Variants in MAGI2 observed in about 807,000 individuals in gnomAD.
MAGI2 encodes membrane-associated guanylate kinase, WW and PDZ domain-containing protein 2.
MAGI2 carries 35 observed loss-of-function variants against 133.3 expected under a neutral mutation model. The observed-to-expected ratio is 0.26, with a 90% CI of 0.20 to 0.35. MAGI2 has a LOEUF of 0.35. Among genes scored for constraint, MAGI2 ranks in the 10% least tolerant of loss-of-function variants. The pLI is 1.00. For missense variants in MAGI2, 1,636 were observed against 1,863.4 expected (o/e 0.88, Z 2.25); for synonymous variants, 729 against 710.6 (o/e 1.03, Z -0.41).
chr7:79,254,832 A>C (rs920151039), intron 1 of MAGI2, among the ~76,000 whole-genome samples: 1 of 152,192 alleles, frequency 6.6e-6, no homozygotes, highest in Non-Finnish European at 1.5e-5. Flanking sequence ...TTGAAGAGAC[A>C]ATTAAGGGCA....
intron 2 of MAGI2, among the ~76,000 whole-genome samples, chr7:78,809,786 T>G (rs540846927): frequency 6.6e-6 from 1 of 152,152 alleles, no homozygotes; most frequent in Non-Finnish European, 1.5e-5. Context: ...ATTTCCAGAA[T>G]AATCATGTAC....
chr7:78,665,526 G>A (rs920392182), intron 2 of MAGI2, among the ~76,000 whole-genome samples: 1 of 151,858 alleles, frequency 6.6e-6, no homozygotes, highest in Non-Finnish European at 1.5e-5. Context: ...AGTGGTCCAA[G>A]GCTTTAATTT....
At chr7:78,721,334 T>C (rs765908292) in intron 2 of MAGI2, among the ~76,000 whole-genome samples, 1 of 151,994 alleles carries the variant, frequency 6.6e-6, no homozygotes, top group Non-Finnish European at 1.5e-5. Context: ...CAGCATATAG[T>C]TAGCTATCAC....
At chr7:78,804,922 G>C (rs1011869008) in intron 2 of MAGI2, among the ~76,000 whole-genome samples, 10 of 151,282 alleles carry the variant, frequency 6.6e-5, no homozygotes, top group African/African-American at 2.4e-4. Context: ...ACAAAAATTA[G>C]CTGGGTGCGG....
intron 1 of MAGI2, among the ~76,000 whole-genome samples, chr7:79,120,620 A>G (rs138210593): frequency 6.6e-6 from 1 of 152,110 alleles, no homozygotes; most frequent in South Asian, 2.1e-4. Flanking sequence ...TTACAGAAGC[A>G]TGGTGAGTTT....
At chr7:78,724,593 T>A (rs1820583809) in intron 2 of MAGI2, among the ~76,000 whole-genome samples, 1 of 152,176 alleles carries the variant, frequency 6.6e-6, no homozygotes. Flanking sequence ...TGGCCCTTAG[T>A]TCTATTGCTC....
At position 78,074,197 on chromosome 7, in the gene MAGI2, A is replaced by C. The variant is rs1815030433; in HGVS notation, c.3706+4750T>G. Among the ~76,000 whole-genome samples, 3 of 152,066 alleles carry C rather than the reference A, an allele frequency of 2.0e-5. No individual in the cohort carries two copies. In the South Asian group the frequency reaches 6.2e-4, roughly 32 times the overall value. ...ACGTTTAGTCTTTGGGTAATTAGAG[A>C]TGACATATTTGCGGCATGTTTACTC... On this transcript the variant is annotated intron_variant, in intron 21 of 21. Coordinates refer to ENST00000354212, the MANE Select transcript of MAGI2 (RefSeq NM_012301.4).
chr7:78,529,667 GGTTTTTTTT>G (rs1797277407), intron 3 of MAGI2, among the ~76,000 whole-genome samples: 2 of 56,332 alleles, frequency 3.6e-5, no homozygotes, highest in African/African-American at 6.5e-5. Context: ...TAAAGGAGAT[GGTTTTTTTT>G]TTTTTTTTTT....
At chr7:78,853,928 G>T (rs1267497955) in intron 2 of MAGI2, among the ~76,000 whole-genome samples, 1 of 150,376 alleles carries the variant, frequency 6.6e-6, no homozygotes. Flanking sequence ...TAAGGGGACA[G>T]AAAATCTACT....
chr7:78,073,088 A>T (rs1814885420), intron 21 of MAGI2: 6 of 396,666 alleles, frequency 1.5e-5, no homozygotes, highest in Non-Finnish European at 1.8e-5. Context: ...TGATTAAAGG[A>T]AGACTTTTAA....
intron 1 of MAGI2, among the ~76,000 whole-genome samples, chr7:79,317,920 C>T (rs963677751): frequency 6.6e-6 from 1 of 152,150 alleles, no homozygotes; most frequent in African/African-American, 2.4e-5. Context: ...TCCTGGCTTC[C>T]TAATTCTCCA....
chr7:79,022,212 T>A (rs1235268769), intron 1 of MAGI2, among the ~76,000 whole-genome samples: 2 of 152,128 alleles, frequency 1.3e-5, no homozygotes, highest in Admixed American at 6.6e-5. Context: ...TAGAAATTAA[T>A]GCTAAGAAAA....
chr7:78,340,158 A>T (rs1447558022), intron 9 of MAGI2, among the ~76,000 whole-genome samples: 6 of 152,242 alleles, frequency 3.9e-5, no homozygotes, highest in African/African-American at 1.4e-4. Context: ...GATTGAGTTT[A>T]TAAAGTTGAT....
chr7:79,327,588 C>T (rs1188027918), intron 1 of MAGI2, among the ~76,000 whole-genome samples: 1 of 152,182 alleles, frequency 6.6e-6, no homozygotes, highest in African/African-American at 2.4e-5. Context: ...AGGCAAACCA[C>T]AACTGTCAGT....
intron 2 of MAGI2, among the ~76,000 whole-genome samples, chr7:78,681,195 G>A (rs1815614438): frequency 2.0e-5 from 3 of 152,052 alleles, no homozygotes; most frequent in African/African-American, 7.2e-5. Context: ...TCATGAGGGG[G>A]TGAAACTGCC....
At chr7:78,841,278 C>T (rs763428086) in intron 2 of MAGI2, among the ~76,000 whole-genome samples, 1 of 152,050 alleles carries the variant, frequency 6.6e-6, no homozygotes, top group African/African-American at 2.4e-5. Context: ...TAAATTAATC[C>T]TTATCACATG....
intron 1 of MAGI2, among the ~76,000 whole-genome samples, chr7:79,404,239 T>C (rs1217425246): frequency 7.9e-5 from 12 of 152,136 alleles, no homozygotes; most frequent in African/African-American, 1.7e-4. Context: ...AAACAGAACT[T>C]TGATCAAGGC....
intron 9 of MAGI2, among the ~76,000 whole-genome samples, chr7:78,306,939 G>A (rs893909327): frequency 1.3e-5 from 2 of 152,034 alleles, no homozygotes; most frequent in South Asian, 2.1e-4. Context: ...ACAGAGAGAC[G>A]CATATGTCCA....
At chr7:79,208,795 G>T (rs1279206195) in intron 1 of MAGI2, among the ~76,000 whole-genome samples, 2 of 151,850 alleles carry the variant, frequency 1.3e-5, no homozygotes, top group African/African-American at 4.9e-5. Context: ...TTCATCAGTG[G>T]ATGAGTTTCT....
Sources: allele counts gnomAD v4.1 joint callset (sites outside exome capture counted in the v4.1 genomes callset), GRCh38; gene constraint gnomAD v4.1.1; transcripts MANE v1.5; gene names NCBI Gene and HGNC (gene_info 2026-07-23, HGNC 2026-07-21).